The following ADCY5 variants were observed in gnomAD, a reference collection of about 807,000 sequenced individuals.
ADCY5 encodes adenylate cyclase type 5.
Under a neutral mutation model 119.7 loss-of-function variants are expected in ADCY5, and 30 were observed. The observed-to-expected ratio is 0.25, with a 90% CI of 0.19 to 0.34. ADCY5 has a LOEUF of 0.34. Ranked by LOEUF, ADCY5 falls within the 10% of genes least tolerant of loss-of-function variation. The pLI is 1.00. For synonymous variants in ADCY5, 753 were observed against 762.2 expected (o/e 0.99, Z 0.20); for missense variants, 1,324 against 1,775.2 (o/e 0.75, Z 4.57).
intron 3 of ADCY5, among the ~76,000 whole-genome samples, chr3:123,338,500 GC>G (rs1304428560): frequency 2.0e-5 from 3 of 152,290 alleles, no homozygotes; most frequent in Non-Finnish European, 4.4e-5. Context: ...TTCCTGATCT[GC>G]CCCGGAGTAA....
At chr3:123,395,990 AACAG>A (rs1266759309) in intron 1 of ADCY5, among the ~76,000 whole-genome samples, 1 of 90,214 alleles carries the variant, frequency 1.1e-5, no homozygotes, top group African/African-American at 3.9e-5. Flanking sequence ...GAAAGAAAGA[AACAG>A]AAAGAAAGAA....
At chr3:123,368,104 C>G in intron 1 of ADCY5, 1 of 1,341,422 alleles carries the variant, frequency 7.5e-7, no homozygotes, top group Non-Finnish European at 9.8e-7. Context: ...GAGTCAGGAG[C>G]CCCAGGGGCC....
At chr3:123,298,849 A>G (rs183861343) in intron 15 of ADCY5, among the ~76,000 whole-genome samples, 2 of 4,032 alleles carry the variant, frequency 5.0e-4, no homozygotes, top group East Asian at 0.016. Context: ...TTTTTTTTGC[A>G]CTTCTTGGTG....
intron 14 of ADCY5, among the ~76,000 whole-genome samples, chr3:123,302,007 A>G (rs1485997991): frequency 6.6e-6 from 1 of 152,238 alleles, no homozygotes; most frequent in Non-Finnish European, 1.5e-5. Flanking sequence ...CTGTCTGTAC[A>G]TCTGAGAGCC....
chr3:123,417,224 T>A (rs972826318), intron 1 of ADCY5, among the ~76,000 whole-genome samples: 2 of 151,984 alleles, frequency 1.3e-5, no homozygotes, highest in East Asian at 1.9e-4. Flanking sequence ...AGGTACCAGG[T>A]TCCCCCCTAC....
At chr3:123,320,716 G>A (rs372352309) in intron 9 of ADCY5, 33 bp downstream of exon 9, 1 of 1,611,768 alleles carries the variant, frequency 6.2e-7, no homozygotes, top group Non-Finnish European at 8.5e-7. Flanking sequence ...CCCAGACCCA[G>A]GGAGCAGGAA....
At position 123,300,196 on chromosome 3, in the gene ADCY5, T is replaced by C; in HGVS notation, c.2824A>G (p.Ile942Val). 5 of 1,613,832 alleles carry C rather than the reference T, an allele frequency of 3.1e-6. No homozygotes were observed. The highest frequency in any genetic ancestry group is 4.2e-6 in the Non-Finnish European group (5 of 1,180,032). The change falls in exon 15 of 21, where the codon ATC becomes GTC. Residue 942 changes from isoleucine to valine, a missense_variant. Transcript: ENST00000462833. Reference protein sequence around the residue: ...KLVLMLAIELIYVLIVEVPGV... With the variant: ...KLVLMLAIELVYVLIVEVPGV... ...GGCACCTCCACGATGAGCACGTAGA[T>C]GAGCTCGATGGCCAGCATGAGCACC...
chr3:123,443,731 A>C (rs1480481733), intron 1 of ADCY5, among the ~76,000 whole-genome samples: 2 of 152,194 alleles, frequency 1.3e-5, no homozygotes, highest in African/African-American at 4.8e-5. Flanking sequence ...GTTGTCCCAC[A>C]CTGCAGGGAA....
rs775831964 is a variant in ADCY5 at position 123,447,910 on chromosome 3, C to T, written c.636G>A (p.Leu212=). The T allele has an allele frequency of 6.2e-7, 1 of 1,609,142 alleles. No individual in the cohort carries two copies. The highest frequency in any genetic ancestry group is 2.2e-5 in the East Asian group (1 of 44,706). Residue 212 remains leucine (L), a synonymous_variant, in exon 1 of 21, where the codon TTG becomes TTA. Transcript: ENST00000462833. The stretch of plus-strand genomic sequence containing the variant: ...ACTTCTTGGAGCGGAATATCTGCAG[C>T]AACGCCAGGCAGCAGGCGCCCAGGG... ...VLSLGACCLA[L]LQIFRSKKFP...
At chr3:123,444,251 C>T (rs1185699806) in intron 1 of ADCY5, among the ~76,000 whole-genome samples, 1 of 152,152 alleles carries the variant, frequency 6.6e-6, no homozygotes, top group Non-Finnish European at 1.5e-5. Flanking sequence ...CCCCGTGACG[C>T]TCCTACTATA....
chr3:123,315,590 T>C (rs1218187949), intron 11 of ADCY5, among the ~76,000 whole-genome samples: 2 of 152,166 alleles, frequency 1.3e-5, no homozygotes, highest in African/African-American at 4.8e-5. Flanking sequence ...GCTCTTTTTT[T>C]TTTGAGACAG....
At chr3:123,439,650 G>GAATC (rs1945689128) in intron 1 of ADCY5, among the ~76,000 whole-genome samples, 2 of 152,048 alleles carry the variant, frequency 1.3e-5, no homozygotes, top group South Asian at 4.2e-4. Context: ...GTCTTGGGCT[G>GAATC]TATCCCCCTT....
chr3:123,346,129 G>A (rs541852341), intron 3 of ADCY5, among the ~76,000 whole-genome samples: 44 of 152,244 alleles, frequency 2.9e-4, no homozygotes, highest in Non-Finnish European at 5.1e-4. Context: ...CAAGCTCTGC[G>A]TAGGTGTGAC....
chr3:123,286,177 G>T lies in ADCY5; in HGVS notation c.3657+508C>A, dbSNP rs957547938. 1.3e-5 allele frequency among the ~76,000 whole-genome samples: 2 copies of T among 152,174 alleles called. No individual in the cohort carries two copies. The highest frequency in any genetic ancestry group is 2.4e-5 in the African/African-American group (1 of 41,450). The stretch of plus-strand genomic sequence containing the variant: ...GGCCGGGAAACCACAAGCCCAGCTC[G>T]CAAAGGAGGGAGCAAGGGGAAAAGG... On this transcript the variant is annotated intron_variant, in intron 20 of 20. Coordinates refer to ENST00000462833, the MANE Select transcript of ADCY5 (RefSeq NM_183357.3). This position sits in a 1 kb window ranked among gnomAD's most constrained non-coding sequence, Gnocchi z 4.2.
chr3:123,322,251 GGAACCGAGAA>G (rs1941257025), intron 8 of ADCY5, among the ~76,000 whole-genome samples: 1 of 152,152 alleles, frequency 6.6e-6, no homozygotes, highest in Non-Finnish European at 1.5e-5. Flanking sequence ...ATTTTACTAC[GGAACCGAGAA>G]GAACTGAGCT....
intron 1 of ADCY5, among the ~76,000 whole-genome samples, chr3:123,395,964 A>G (rs1238909246): frequency 4.4e-5 from 6 of 136,910 alleles, no homozygotes; most frequent in African/African-American, 1.3e-4. Flanking sequence ...AGAGAGAAAG[A>G]AAGGAAGAAA....
At chr3:123,381,642 G>A (rs1214114371) in intron 1 of ADCY5, among the ~76,000 whole-genome samples, 2 of 152,146 alleles carry the variant, frequency 1.3e-5, no homozygotes, top group Non-Finnish European at 2.9e-5. Context: ...TTTGTACAAG[G>A]GGTCCCATAT....
rs75868439 is a variant in ADCY5, at chr3:123,358,215, G to A, written c.1135-5634C>T. Among the ~76,000 whole-genome samples, 194 of 147,024 alleles carry A rather than the reference G, an allele frequency of 1.3e-3. 2 individuals carry two copies. The East Asian group carries it at 0.034, about 25-fold the overall frequency. On this transcript the variant is annotated intron_variant, in intron 1 of 20. Coordinates refer to ENST00000462833, the MANE Select transcript of ADCY5 (RefSeq NM_183357.3). ...GTGTGTAGGGAGTTGGTGGTATGGC[G>A]GAGCACGTGACATATACCCACAGTA...
intron 1 of ADCY5, among the ~76,000 whole-genome samples, chr3:123,426,046 G>A (rs1249286262): frequency 6.6e-6 from 1 of 152,186 alleles, no homozygotes; most frequent in Non-Finnish European, 1.5e-5. Flanking sequence ...CATTTATTGA[G>A]GGCTTTGTAC....
Sources: gnomAD v4.1 joint callset for allele counts (sites outside exome capture counted in the v4.1 genomes callset) on GRCh38, gnomAD v4.1.1 for gene constraint, Gnocchi (gnomAD v3.1) non-coding constraint, MANE v1.5 for transcripts, NCBI Gene and HGNC (gene_info 2026-07-23, HGNC 2026-07-21) for gene names.